Variants in TTC28 observed in about 807,000 individuals in gnomAD.
The protein encoded by TTC28 is tetratricopeptide repeat protein 28.
Under a neutral mutation model 198.0 loss-of-function variants are expected in TTC28, and 61 were observed. The observed-to-expected ratio is 0.31, with a 90% CI of 0.25 to 0.38. The LOEUF is 0.38. TTC28 is among the 10% of genes least tolerant of loss of function. The pLI, the probability that TTC28 is intolerant of heterozygous loss-of-function variation, is 1.00. For synonymous variants in TTC28, 1,171 were observed against 1,297.8 expected, an observed-to-expected ratio of 0.90 and a Z score of 2.10; for missense variants, 2,678 against 3,164.0, an observed-to-expected ratio of 0.85 and a Z score of 3.69.
chr22:27,987,088 C>T (rs1020328342), intron 21 of TTC28, among the ~76,000 whole-genome samples: 1 of 152,164 alleles, frequency 6.6e-6, no homozygotes, highest in African/African-American at 2.4e-5. Context: ...TGGGAGCGAG[C>T]CAGCCACCTC....
chr22:28,036,736 T>G (rs1939370532), intron 12 of TTC28, among the ~76,000 whole-genome samples: 1 of 152,160 alleles, frequency 6.6e-6, no homozygotes, highest in Admixed American at 6.5e-5. Flanking sequence ...AGGAGCTGGT[T>G]TTTTGGAAGG....
chr22:28,639,924 C>T (rs548532090), intron 1 of TTC28, among the ~76,000 whole-genome samples: 77 of 152,112 alleles, frequency 5.1e-4, no homozygotes, highest in Middle Eastern at 3.4e-3. Flanking sequence ...ATATAATACA[C>T]GAAATTAAGA....
At chr22:28,470,719 A>C (rs2048086484) in intron 2 of TTC28, among the ~76,000 whole-genome samples, 1 of 152,222 alleles carries the variant, frequency 6.6e-6, no homozygotes, top group South Asian at 2.1e-4. Flanking sequence ...GTCCAAGAAA[A>C]GTACGTTTGT....
At chr22:28,198,531 T>C (rs1925593671) in intron 5 of TTC28, among the ~76,000 whole-genome samples, 1 of 152,158 alleles carries the variant, frequency 6.6e-6, no homozygotes. Context: ...TAAAATAATA[T>C]TTTTAAAACA....
intron 5 of TTC28, among the ~76,000 whole-genome samples, chr22:28,248,298 G>C (rs1930256028): frequency 6.6e-6 from 1 of 152,184 alleles, no homozygotes; most frequent in African/African-American, 2.4e-5. Flanking sequence ...AGTTCTCACT[G>C]TAGCCAGCCT....
At chr22:28,162,234 G>C (rs1422411163) in intron 6 of TTC28, among the ~76,000 whole-genome samples, 1 of 152,142 alleles carries the variant, frequency 6.6e-6, no homozygotes, top group Non-Finnish European at 1.5e-5. Flanking sequence ...TTGTAACCAA[G>C]TACTATCAAA....
intron 2 of TTC28, among the ~76,000 whole-genome samples, chr22:28,499,864 T>C (rs1345856032): frequency 6.6e-6 from 1 of 152,154 alleles, no homozygotes; most frequent in Non-Finnish European, 1.5e-5. Flanking sequence ...TTGCAATACA[T>C]ATAATGTATA....
chr22:28,017,686 T>C (rs1938426941), intron 13 of TTC28, among the ~76,000 whole-genome samples: 1 of 152,124 alleles, frequency 6.6e-6, no homozygotes, highest in Non-Finnish European at 1.5e-5. Flanking sequence ...TGGGGTTATC[T>C]ATGGGGAGAA....
At chr22:28,367,995 A>C (rs772470434) in intron 2 of TTC28, among the ~76,000 whole-genome samples, 1 of 152,038 alleles carries the variant, frequency 6.6e-6, no homozygotes, top group African/African-American at 2.4e-5. Context: ...TTAAAAAAGA[A>C]CTAATACCAA....
At chr22:28,014,969 A>G (rs1166766682) in intron 13 of TTC28, among the ~76,000 whole-genome samples, 1 of 152,230 alleles carries the variant, frequency 6.6e-6, no homozygotes, top group Non-Finnish European at 1.5e-5. Flanking sequence ...GGTCGGTTTG[A>G]GTATGGCTGT....
chr22:28,320,858 A>G lies in TTC28; in HGVS notation c.382-14215T>C, dbSNP rs2045435082. 2.6e-5 allele frequency among the ~76,000 whole-genome samples: 4 copies of G among 152,356 alleles called. No individual in the cohort carries two copies. The South Asian group carries it at 6.2e-4, about 24-fold the overall frequency. On this transcript the variant is annotated intron_variant, in intron 2 of 22. Coordinates refer to ENST00000397906, the MANE Select transcript of TTC28 (RefSeq NM_001145418.2). Reference sequence around the variant, plus strand: ...TCCCAGTCCTTTTGCATGTGCTTTCAGCATACAATATGACAGAAAATAGAA... The same window carrying G: ...TCCCAGTCCTTTTGCATGTGCTTTCGGCATACAATATGACAGAAAATAGAA...
At chr22:28,663,681 G>C (rs2051792138) in intron 1 of TTC28, among the ~76,000 whole-genome samples, 1 of 141,224 alleles carries the variant, frequency 7.1e-6, no homozygotes, top group South Asian at 2.3e-4. Context: ...TAGCACAGCA[G>C]TCTGAGATCA....
At chr22:28,044,420 A>G (rs776832002) in intron 12 of TTC28, among the ~76,000 whole-genome samples, 2 of 152,172 alleles carry the variant, frequency 1.3e-5, no homozygotes, top group African/African-American at 4.8e-5. Flanking sequence ...CCTCTTCCAA[A>G]ATGCTTTCTT....
At chr22:28,566,053 G>A (rs1171584074) in intron 2 of TTC28, among the ~76,000 whole-genome samples, 1 of 152,104 alleles carries the variant, frequency 6.6e-6, no homozygotes, top group African/African-American at 2.4e-5. Context: ...GGTTTGGGGG[G>A]AGGAATAACA....
chr22:28,529,622 C>A (rs373648589), intron 2 of TTC28, among the ~76,000 whole-genome samples: 1 of 152,216 alleles, frequency 6.6e-6, no homozygotes, highest in South Asian at 2.1e-4. Context: ...GGGTTCCTAA[C>A]CCCTGAGTAG....
intron 2 of TTC28, among the ~76,000 whole-genome samples, chr22:28,623,220 G>A (rs2051028337): frequency 6.6e-6 from 1 of 152,088 alleles, no homozygotes; most frequent in African/African-American, 2.4e-5. Flanking sequence ...CCAAGGAGCT[G>A]GGACTACAGG....
At chr22:28,269,861 A>G (rs1451048554) in intron 5 of TTC28, among the ~76,000 whole-genome samples, 8 of 152,206 alleles carry the variant, frequency 5.3e-5, no homozygotes, top group Non-Finnish European at 1.2e-4. Flanking sequence ...ATCAACCTCT[A>G]TAGTGAGAAG....
At chr22:28,452,720 G>A (rs551723589) in intron 2 of TTC28, among the ~76,000 whole-genome samples, 3 of 152,288 alleles carry the variant, frequency 2.0e-5, no homozygotes, top group African/African-American at 4.8e-5. Context: ...TTGTTAAAAT[G>A]CCTAGCATTG....
chr22:28,030,099 G>A, intron 13 of TTC28, 127 bp downstream of exon 13: 1 of 1,338,840 alleles, frequency 7.5e-7, no homozygotes, highest in South Asian at 1.5e-5. Context: ...CATCATGCTT[G>A]CTGCTGCAAA....
Sources: allele counts gnomAD v4.1 joint callset (sites outside exome capture counted in the v4.1 genomes callset), GRCh38; gene constraint gnomAD v4.1.1; transcripts MANE v1.5; gene names NCBI Gene and HGNC (gene_info 2026-07-23, HGNC 2026-07-21).